The following DOCK9 variants were observed in gnomAD, a reference collection of about 807,000 sequenced individuals.
DOCK9 encodes the protein dedicator of cytokinesis protein 9.
A neutral mutation model predicts 263.3 loss-of-function variants in DOCK9; 89 were observed. That is an observed-to-expected ratio of 0.34 (90% CI 0.28 to 0.40). The LOEUF is 0.40. Ranked by LOEUF, DOCK9 falls within the 10% of genes least tolerant of loss-of-function variation. The pLI is 1.00. For missense variants in DOCK9, 2,140 were observed against 2,603.4 expected (o/e 0.82, Z 3.87); for synonymous variants, 976 against 973.1 (o/e 1.00, Z -0.06).
At chr13:98,932,244 T>C (rs1284581545) in intron 2 of DOCK9, among the ~76,000 whole-genome samples, 10 of 151,822 alleles carry the variant, frequency 6.6e-5, no homozygotes, top group Admixed American at 6.6e-4. Flanking sequence ...AATACAAAAA[T>C]ATCAGCTGAG....
chr13:99,020,947 T>C (rs1595923386), intron 1 of DOCK9, among the ~76,000 whole-genome samples: 1 of 152,354 alleles, frequency 6.6e-6, no homozygotes, highest in Middle Eastern at 3.4e-3. Context: ...TAACACGTCA[T>C]TCATTCTATT....
intron 9 of DOCK9, among the ~76,000 whole-genome samples, chr13:98,907,272 C>T (rs1428501481): frequency 3.9e-5 from 6 of 152,200 alleles, no homozygotes; most frequent in Admixed American, 2.0e-4. Flanking sequence ...ACTTCTGAAT[C>T]GTCCGCTTGA....
chr13:98,814,334 T>A (rs895477808), intron 45 of DOCK9, among the ~76,000 whole-genome samples: 2 of 151,568 alleles, frequency 1.3e-5, no homozygotes, highest in African/African-American at 4.8e-5. Flanking sequence ...TAGCAGCAAA[T>A]GACATGAAGA....
chr13:98,968,129 C>T lies in DOCK9; in HGVS notation c.126+9655G>A, dbSNP rs77483589. On this transcript the variant is annotated intron_variant, in intron 1 of 52. Coordinates refer to ENST00000682017, the MANE Select transcript of DOCK9 (RefSeq NM_001366683.2). ...TGACTACTGAGCACTTAAAATGTGACGATTCTAAATTCAGATGTGCTGTAG... is the reference window on the plus strand; with the variant it reads ...TGACTACTGAGCACTTAAAATGTGATGATTCTAAATTCAGATGTGCTGTAG... 8.0e-3 allele frequency among the ~76,000 whole-genome samples: 1,210 copies of T among 152,164 alleles called. 36 individuals are homozygous for T. In the East Asian group the frequency reaches 0.09, roughly 11 times the overall value.
At chr13:98,870,890 T>C (rs898628693) in intron 27 of DOCK9, among the ~76,000 whole-genome samples, 1 of 117,126 alleles carries the variant, frequency 8.5e-6, no homozygotes, top group African/African-American at 3.1e-5. Flanking sequence ...CTTCAACAAA[T>C]ATGTTGCCAA....
At chr13:99,062,694 T>C (rs1383636397) in intron 1 of DOCK9, among the ~76,000 whole-genome samples, 3 of 152,208 alleles carry the variant, frequency 2.0e-5, no homozygotes, top group Non-Finnish European at 2.9e-5. Flanking sequence ...GAAAACTTGC[T>C]TTCCTGCTTT....
At chr13:99,017,048 G>C (rs149863471) in intron 1 of DOCK9, among the ~76,000 whole-genome samples, 3 of 152,156 alleles carry the variant, frequency 2.0e-5, no homozygotes, top group Non-Finnish European at 4.4e-5. Context: ...TCTCTCTCCT[G>C]TATTTTTATG....
intron 1 of DOCK9, among the ~76,000 whole-genome samples, chr13:98,963,575 T>C (rs1454916087): frequency 6.6e-6 from 1 of 152,248 alleles, no homozygotes; most frequent in Non-Finnish European, 1.5e-5. Context: ...TAAGAAGAGC[T>C]GAAATCCCAA....
At chr13:98,964,137 C>T (rs1430278987) in intron 1 of DOCK9, among the ~76,000 whole-genome samples, 1 of 152,160 alleles carries the variant, frequency 6.6e-6, no homozygotes, top group Non-Finnish European at 1.5e-5. Flanking sequence ...AGGGAGCTGG[C>T]AGTCAGAGGG....
intron 9 of DOCK9, among the ~76,000 whole-genome samples, chr13:98,906,967 G>A (rs1053379522): frequency 6.6e-6 from 1 of 152,174 alleles, no homozygotes; most frequent in Non-Finnish European, 1.5e-5. Context: ...GGAGCCTGAA[G>A]GCTATGGAGG....
chr13:99,015,728 TG>T (rs1487689256), intron 1 of DOCK9: 1 of 1,396,372 alleles, frequency 7.2e-7, no homozygotes, highest in African/African-American at 1.4e-5. Context: ...TCACCGGTAC[TG>T]GAACAGAAGG....
At chr13:98,971,237 C>T (rs963934889) in intron 1 of DOCK9, among the ~76,000 whole-genome samples, 3 of 152,168 alleles carry the variant, frequency 2.0e-5, no homozygotes, top group African/African-American at 7.2e-5. Context: ...CCACCCGTGC[C>T]ACCAGCCAGC....
Position 98,807,450 on chromosome 13 carries a change from G to T in DOCK9, c.5514+211C>A, listed in dbSNP as rs190467883. Among the ~76,000 whole-genome samples, 13 of 152,278 alleles carry T rather than the reference G, an allele frequency of 8.5e-5. No homozygotes were observed. In the East Asian group the frequency reaches 2.3e-3, roughly 27 times the overall value. The stretch of plus-strand genomic sequence containing the variant: ...AGACGTTAATTATTTTGTAAAATTA[G>T]ATGTTTCAAAAATTAGGCGATAAAG... On this transcript the variant is annotated intron_variant, in intron 48 of 52. Transcript: ENST00000682017.
At chr13:98,974,841 C>A (rs1367182261) in intron 1 of DOCK9, among the ~76,000 whole-genome samples, 2 of 151,600 alleles carry the variant, frequency 1.3e-5, no homozygotes, top group Non-Finnish European at 2.9e-5. Context: ...GAACAAGCAG[C>A]CACTGCTAAG....
At chr13:99,066,252 T>C (rs1312953397) in intron 1 of DOCK9, among the ~76,000 whole-genome samples, 3 of 152,150 alleles carry the variant, frequency 2.0e-5, no homozygotes, top group Non-Finnish European at 4.4e-5. Flanking sequence ...TCACCTTGTT[T>C]CCAAAAGCCC....
At chr13:98,875,108 T>C (rs1208226432) in intron 27 of DOCK9, among the ~76,000 whole-genome samples, 2 of 152,332 alleles carry the variant, frequency 1.3e-5, no homozygotes, top group East Asian at 3.9e-4. Flanking sequence ...AGCTCACATA[T>C]GCACCTTCCT....
intron 1 of DOCK9, among the ~76,000 whole-genome samples, chr13:99,008,185 C>CCTCTCTCTCTCTCTCTCTCTCT (rs370963218): frequency 4.9e-4 from 49 of 100,956 alleles, no homozygotes; most frequent in Non-Finnish European, 7.5e-4. Flanking sequence ...TATTGTGCAG[C>CCTCTCTCTCTCTCTCTCTCTCT]CTCTCTCTCT....
At chr13:98,827,833 G>T (rs1349077907) in intron 43 of DOCK9, among the ~76,000 whole-genome samples, 1 of 152,212 alleles carries the variant, frequency 6.6e-6, no homozygotes, top group Non-Finnish European at 1.5e-5. Flanking sequence ...CACGGCAAGG[G>T]CAATAAGAAA....
chr13:98,860,491 G>A lies in DOCK9; in HGVS notation c.3611C>T (p.Ala1204Val). 1 of 1,578,844 alleles carries A rather than the reference G, an allele frequency of 6.3e-7. No homozygotes were observed. The highest frequency in any genetic ancestry group is 8.6e-7 in the Non-Finnish European group (1 of 1,160,918). ...CTGCGGCGTCACCAGCGGATTCACA[G>A]CTGGTAGAGCCAGGGATTCATCCTT... ...TVKDESLALPAVNPLVTPQKG... is the reference protein window; with the variant it reads ...TVKDESLALPVVNPLVTPQKG... Residue 1204 changes from alanine (A) to valine (V), a missense_variant, in exon 33 of 53, where the codon GCT becomes GTT. Physicochemically the swap from Ala to Val is moderately conservative, Grantham distance 64. Around this residue, in one of 2 missense-constraint regions of DOCK9, gnomAD observed 1,521 missense variants for 1,741.7 expected, o/e 0.87. Coordinates refer to ENST00000682017, the MANE Select transcript of DOCK9 (RefSeq NM_001366683.2).
Sources: allele counts gnomAD v4.1 joint callset (sites outside exome capture counted in the v4.1 genomes callset), GRCh38; gene constraint gnomAD v4.1.1; regional missense constraint gnomAD v4.1.1; transcripts MANE v1.5; gene names NCBI Gene and HGNC (gene_info 2026-07-23, HGNC 2026-07-21).